The following SPINT2 variants were observed in gnomAD, a reference collection of about 807,000 sequenced individuals.
SPINT2 encodes the protein kunitz-type protease inhibitor 2.
SPINT2 carries 18 observed loss-of-function variants against 30.1 expected under a neutral mutation model. The observed-to-expected ratio is 0.60, with a 90% CI of 0.41 to 0.89. The LOEUF (loss-of-function observed/expected upper bound fraction) is 0.89. Ranked by LOEUF, SPINT2 falls within the 40% of genes least tolerant of loss-of-function variation. The pLI is 0.00. For missense variants in SPINT2, 276 were observed against 334.3 expected (o/e 0.83, Z 1.36); for synonymous variants, 139 against 137.9 (o/e 1.01, Z -0.05).
rs1968692090 is a variant in SPINT2 at position 38,289,744 on chromosome 19, C to T, written c.392-375C>T. The T allele has an allele frequency of 1.5e-5, 5 of 337,198 alleles. 1 individual carries two copies. The highest frequency in any genetic ancestry group is 2.9e-5 in the Non-Finnish European group (5 of 174,944). 20.9% of individuals were successfully genotyped at this position (337,198 alleles called of 1,614,324 possible). On this transcript the variant is annotated intron_variant, in intron 4 of 6. Transcript: ENST00000301244. ...TAGAGGCGTAGCCTGGCACGTGGCT[C>T]TGCAATTTACATTGTCCCTGAACCT...
intron 1 of SPINT2, among the ~76,000 whole-genome samples, chr19:38,275,326 TCTTTC>T (rs1036468428): frequency 6.6e-6 from 1 of 152,204 alleles, no homozygotes; most frequent in Admixed American, 6.5e-5. Context: ...ATAGAGTTTT[TCTTTC>T]CTTATTTTTT....
At chr19:38,283,281 C>A (rs1968601640) in intron 1 of SPINT2, among the ~76,000 whole-genome samples, 1 of 152,162 alleles carries the variant, frequency 6.6e-6, no homozygotes, top group Non-Finnish European at 1.5e-5. Context: ...AGTCACCACA[C>A]TCCAGCCTGG....
intron 1 of SPINT2, 135 bp from the exon 2 acceptor site, chr19:38,283,488 GGCTT>G (rs1968604049): frequency 3.8e-6 from 4 of 1,050,320 alleles, no homozygotes; most frequent in Non-Finnish European, 5.7e-6. Flanking sequence ...TGACGATCTG[GGCTT>G]GGGAAACAGC....
In SPINT2 at chr19:38,269,898, C is replaced by T. The variant is rs535697101; in HGVS notation, c.106+4900C>T. 2.0e-4 allele frequency among the ~76,000 whole-genome samples: 31 copies of T among 152,306 alleles called. No individual in the cohort carries two copies. The East Asian group carries it at 4.2e-3, about 21-fold the overall frequency. ...TGCTGGGATTACAGGCGTGAGCCAC[C>T]GCGCCCGGCCTGAGATGGGATTTCA... On this transcript the variant is annotated intron_variant, in intron 1 of 6. Transcript: ENST00000301244.
intron 1 of SPINT2, among the ~76,000 whole-genome samples, chr19:38,283,007 T>G (rs1459336216): frequency 2.6e-5 from 3 of 116,874 alleles, no homozygotes; most frequent in Non-Finnish European, 3.8e-5. Context: ...TTGTTTTGTT[T>G]TTTTTTTTTT....
chr19:38,291,742 G>A, intron 6 of SPINT2, 98 bp from the exon 7 acceptor site: 1 of 1,478,096 alleles, frequency 6.8e-7, no homozygotes, highest in Non-Finnish European at 9.1e-7. Context: ...TTGGTCCTCA[G>A]GCTGAGCCCA....
At position 38,290,528 on chromosome 19, in the gene SPINT2, C is replaced by G; in HGVS notation, c.554-9C>G. 1 of 1,614,108 alleles carries G rather than the reference C, an allele frequency of 6.2e-7. No individual in the cohort carries two copies. The highest frequency in any genetic ancestry group is 8.5e-7 in the Non-Finnish European group (1 of 1,179,996). ...GTGAGCTGACCTCAGGCTGTGTGTT[C>G]TCTTCCAGGCCAGCAGGAGAATCCT... is the stretch of plus-strand genomic sequence containing the variant. On this transcript the variant is annotated splice_polypyrimidine_tract_variant and intron_variant, in intron 5 of 6. Transcript: ENST00000301244. This position sits in a 1 kb window ranked among gnomAD's most constrained non-coding sequence, Gnocchi z 4.3.
chr19:38,288,638 C>T (rs1006762690), intron 3 of SPINT2: 5 of 197,148 alleles, frequency 2.5e-5, no homozygotes, highest in African/African-American at 4.7e-5. Context: ...TGCTACCCAC[C>T]GAGTGCACTG....
intron 1 of SPINT2, among the ~76,000 whole-genome samples, chr19:38,278,738 G>GC (rs567651495): frequency 1.3e-5 from 2 of 152,270 alleles, no homozygotes; most frequent in South Asian, 2.1e-4. Flanking sequence ...GGAGGTCGAG[G>GC]CTGCAGTGAG....
chr19:38,265,987 C>G (rs183852186), intron 1 of SPINT2, among the ~76,000 whole-genome samples: 3 of 152,140 alleles, frequency 2.0e-5, no homozygotes, highest in Non-Finnish European at 4.4e-5. Context: ...AACAGGGTGA[C>G]GTAAGATGTT....
Position 38,275,471 on chromosome 19 carries a change from C to T in SPINT2, c.107-8156C>T, listed in dbSNP as rs866435409. 8.6e-5 allele frequency among the ~76,000 whole-genome samples: 13 copies of T among 151,848 alleles called. 1 individual carries two copies. The highest frequency in any genetic ancestry group is 8.3e-4 in the South Asian group (4 of 4,808). On this transcript the variant is annotated intron_variant, in intron 1 of 6. Transcript: ENST00000301244. ...TCCCGAGTAGCTGGGACTACAGGCG[C>T]GCGCCACTGTGCCGGGCTAAGTTTT...
intron 1 of SPINT2, among the ~76,000 whole-genome samples, chr19:38,280,781 G>A (rs563274736): frequency 1.3e-5 from 2 of 152,144 alleles, no homozygotes; most frequent in Admixed American, 6.6e-5. Flanking sequence ...CCTGGGCGCC[G>A]GGTGTTGTTG....
At chr19:38,286,421 C>G (rs866571807) in intron 2 of SPINT2, among the ~76,000 whole-genome samples, 3 of 152,148 alleles carry the variant, frequency 2.0e-5, no homozygotes, top group African/African-American at 4.8e-5. Context: ...AGGCCAGGCC[C>G]GAGGATGCGG....
intron 1 of SPINT2, among the ~76,000 whole-genome samples, chr19:38,282,069 A>G (rs146048661): frequency 5.3e-5 from 8 of 152,096 alleles, no homozygotes; most frequent in South Asian, 2.1e-4. Flanking sequence ...CCTGTGATCT[A>G]TTGTGTGGGT....
At chr19:38,288,541 C>A in intron 3 of SPINT2, 1 of 201,752 alleles carries the variant, frequency 5.0e-6, no homozygotes. Flanking sequence ...ACCCTCGGGG[C>A]AGACCTCAGG....
At chr19:38,282,217 A>T (rs894529423) in intron 1 of SPINT2, among the ~76,000 whole-genome samples, 1 of 152,252 alleles carries the variant, frequency 6.6e-6, no homozygotes, top group Non-Finnish European at 1.5e-5. Context: ...AACAGAAGAT[A>T]TATCCCTAGT....
chr19:38,291,605 G>A (rs1670496899), intron 6 of SPINT2: 4 of 550,326 alleles, frequency 7.3e-6, no homozygotes, highest in Admixed American at 3.2e-5. Context: ...TGGCGACACG[G>A]CCACTCTGCT....
At chr19:38,267,831 G>T (rs73930562) in intron 1 of SPINT2, among the ~76,000 whole-genome samples, 1 of 151,938 alleles carries the variant, frequency 6.6e-6, no homozygotes, top group East Asian at 1.9e-4. Flanking sequence ...CGTGCCAGGC[G>T]GGGTAGTGAA....
rs1407615555 is a variant in SPINT2 at position 38,287,365 on chromosome 19, A to AT, written c.278-505dup. ...AGGCGCGTGCCACCACACCCGGCTA[A>AT]TTTTTTGTATTTTTAGTAGAGATGG... On this transcript the variant is annotated intron_variant, in intron 2 of 6. Coordinates refer to ENST00000301244, the MANE Select transcript of SPINT2 (RefSeq NM_021102.4). Among the ~76,000 whole-genome samples the AT allele has an allele frequency of 2.0e-5, 3 of 152,006 alleles. No individual in the cohort carries two copies. The South Asian group carries it at 6.2e-4, about 31-fold the overall frequency.
Sources: allele counts gnomAD v4.1 joint callset (sites outside exome capture counted in the v4.1 genomes callset), GRCh38; gene constraint gnomAD v4.1.1; non-coding constraint Gnocchi (gnomAD v3.1); transcripts MANE v1.5; gene names NCBI Gene and HGNC (gene_info 2026-07-23, HGNC 2026-07-21).